Variants in ITPR1 observed in about 807,000 individuals in gnomAD.
The protein encoded by ITPR1 is inositol 1,4,5-trisphosphate receptor type 1, also known as inositol 1,4,5-trisphosphate-gated calcium channel ITPR1.
In ITPR1, 96 loss-of-function variants were observed where a neutral mutation model predicts 318.4. The ratio of observed to expected loss-of-function variants is 0.30; its 90% CI spans 0.26 to 0.36. ITPR1 has a LOEUF of 0.36. Ranked by LOEUF, ITPR1 falls within the 10% of genes least tolerant of loss-of-function variation. The pLI, the probability that ITPR1 is intolerant of heterozygous loss-of-function variation, is 1.00. For missense variants in ITPR1, 2,440 were observed against 3,460.2 expected (o/e 0.71, Z 7.40); for synonymous variants, 1,312 against 1,289.9 (o/e 1.02, Z -0.37).
chr3:4,525,196 A>C (rs557632525), intron 4 of ITPR1, among the ~76,000 whole-genome samples: 3 of 152,076 alleles, frequency 2.0e-5, no homozygotes, highest in African/African-American at 4.8e-5. Flanking sequence ...GATAGATTCC[A>C]TAATATTTCT....
intron 10 of ITPR1, among the ~76,000 whole-genome samples, chr3:4,646,466 T>C (rs1482443083): frequency 6.6e-6 from 1 of 152,162 alleles, no homozygotes; most frequent in Non-Finnish European, 1.5e-5. Context: ...ACTCAGTAAC[T>C]TGTTTGGTGA....
intron 2 of ITPR1, among the ~76,000 whole-genome samples, chr3:4,500,569 G>A (rs1392291810): frequency 2.0e-5 from 3 of 152,158 alleles, no homozygotes; most frequent in East Asian, 1.9e-4. Flanking sequence ...TCTTACAGAC[G>A]AGAAGACAAA....
At chr3:4,639,565 C>A in intron 6 of ITPR1, 95 bp downstream of exon 6, 2 of 873,538 alleles carry the variant, frequency 2.3e-6, no homozygotes, top group East Asian at 2.7e-5. Flanking sequence ...GACACCTTTA[C>A]AGCAGGACTC....
Position 4,639,430 on chromosome 3 carries a change from A to C in ITPR1, c.326A>C (p.Lys109Thr). Residue 109 changes from lysine to threonine, a missense_variant, in exon 6 of 62, where the codon AAA (lysine) becomes ACA (threonine). By Grantham distance (78) the Lys-to-Thr change is moderately conservative (BLOSUM62 -1). Transcript: ENST00000649015. ...EKKQNETENR[K>T]LLGTVIQYGN... ...AAGCAGAATGAGACAGAAAACAGGAAATTGCTGGGGACCGTAATCCAGTAT... is the reference window on the plus strand; with the variant it reads ...AAGCAGAATGAGACAGAAAACAGGACATTGCTGGGGACCGTAATCCAGTAT... The C allele has an allele frequency of 1.3e-6, 2 of 1,581,784 alleles. No individual in the cohort carries two copies. The highest frequency in any genetic ancestry group is 8.6e-7 in the Non-Finnish European group (1 of 1,163,568).
intron 2 of ITPR1, among the ~76,000 whole-genome samples, chr3:4,510,865 G>A (rs1270252138): frequency 6.6e-6 from 1 of 152,182 alleles, no homozygotes; most frequent in African/African-American, 2.4e-5. Context: ...TATAATTAGA[G>A]CAAGGGGTGG....
At chr3:4,612,847 C>T (rs978268128) in intron 4 of ITPR1, among the ~76,000 whole-genome samples, 15 of 152,140 alleles carry the variant, frequency 9.9e-5, no homozygotes, top group African/African-American at 3.1e-4. Context: ...AGATCCTGCT[C>T]CTGCACTCCA....
chr3:4,719,971 C>G (rs2042033909), intron 40 of ITPR1, among the ~76,000 whole-genome samples: 1 of 152,146 alleles, frequency 6.6e-6, no homozygotes, highest in African/African-American at 2.4e-5. Context: ...GTACCTTCCG[C>G]TCAGAGCTGG....
At position 4,569,971 on chromosome 3, in the gene ITPR1, G is replaced by A. The variant is rs182773809; in HGVS notation, c.163+48877G>A. Among the ~76,000 whole-genome samples the A allele has an allele frequency of 6.6e-5, 10 of 152,246 alleles. 1 individual carries two copies. The East Asian group carries it at 1.9e-3, about 29-fold the overall frequency. ...CATTTTTAAATTGTTGGTTGGTGGA[G>A]GGCTGGTATTTACTGATATTCTTGA... On this transcript the variant is annotated intron_variant, in intron 4 of 61. Transcript: ENST00000649015.
At chr3:4,811,806 A>G (rs1404919185) in intron 56 of ITPR1, among the ~76,000 whole-genome samples, 1 of 152,186 alleles carries the variant, frequency 6.6e-6, no homozygotes, top group Non-Finnish European at 1.5e-5. Flanking sequence ...ATACTTAAAG[A>G]AAAAAAGGCT....
chr3:4,531,337 A>G (rs982487560), intron 4 of ITPR1, among the ~76,000 whole-genome samples: 3 of 152,196 alleles, frequency 2.0e-5, no homozygotes, highest in Non-Finnish European at 4.4e-5. Context: ...GTTTTAGATT[A>G]GCTCCGGCAA....
At chr3:4,660,854 C>T (rs935827175) in intron 13 of ITPR1, 134 bp from the exon 14 acceptor site, 10 of 446,664 alleles carry the variant, frequency 2.2e-5, no homozygotes, top group South Asian at 1.1e-4. Context: ...TTTGCCCCTT[C>T]GTGTATACTG....
At chr3:4,823,524 G>A (rs2049859947) in intron 60 of ITPR1, among the ~76,000 whole-genome samples, 1 of 152,094 alleles carries the variant, frequency 6.6e-6, no homozygotes, top group Non-Finnish European at 1.5e-5. Context: ...TGGATCTGGA[G>A]GCCATTATCT....
intron 4 of ITPR1, among the ~76,000 whole-genome samples, chr3:4,537,293 C>A (rs2083962955): frequency 6.6e-6 from 1 of 152,224 alleles, no homozygotes; most frequent in Non-Finnish European, 1.5e-5. Flanking sequence ...AAATTAACTA[C>A]TGATTCACAT....
intron 60 of ITPR1, among the ~76,000 whole-genome samples, chr3:4,819,989 A>G (rs2049580949): frequency 6.6e-6 from 1 of 152,178 alleles, no homozygotes; most frequent in African/African-American, 2.4e-5. Flanking sequence ...ATCGCACTCC[A>G]TAATCATGTC....
intron 15 of ITPR1, among the ~76,000 whole-genome samples, chr3:4,662,523 G>C (rs2093856798): frequency 6.6e-6 from 1 of 152,056 alleles, no homozygotes; most frequent in East Asian, 1.9e-4. Context: ...AGCAGTTCGA[G>C]ACCAGCCTGC....
chr3:4,631,952 G>A (rs1050695990), intron 5 of ITPR1, among the ~76,000 whole-genome samples: 3 of 152,224 alleles, frequency 2.0e-5, no homozygotes, highest in Admixed American at 6.5e-5. Context: ...GCGCCCAGCC[G>A]ACAGATAACT....
At chr3:4,599,824 T>C (rs1335076911) in intron 4 of ITPR1, among the ~76,000 whole-genome samples, 1 of 152,138 alleles carries the variant, frequency 6.6e-6, no homozygotes. Flanking sequence ...AGTCTTGGAG[T>C]GGACAGTGTC....
intron 5 of ITPR1, among the ~76,000 whole-genome samples, chr3:4,636,988 G>A (rs549055512): frequency 5.9e-5 from 9 of 152,278 alleles, no homozygotes; most frequent in African/African-American, 2.2e-4. Context: ...CATAATATTA[G>A]CATTTCTTAA....
At position 4,733,210 on chromosome 3, in the gene ITPR1, C is replaced by T. The variant is rs1255833218; in HGVS notation, c.5343C>T (p.Pro1781=). 8.1e-6 allele frequency: 13 copies of T among 1,613,738 alleles called. No homozygotes were observed. Among genetic ancestry groups the T allele is most frequent in the East Asian group, 6.7e-5 (3 of 44,898 alleles). The change falls in exon 43 of 62, where the codon CCC becomes CCT. Residue 1781 remains proline, a synonymous_variant. Coordinates refer to ENST00000649015, the MANE Select transcript of ITPR1 (RefSeq NM_001378452.1). The stretch of plus-strand genomic sequence containing the variant: ...TGTCAGCAGGAGGACCCGGCAAGCC[C>T]GGGGGAGGAGGTACGCTTTGTGGTG... ...GPLSAGGPGK[P]GGGGGGSGSS...
Sources: gnomAD v4.1 joint callset for allele counts (sites outside exome capture counted in the v4.1 genomes callset) on GRCh38, gnomAD v4.1.1 for gene constraint, MANE v1.5 for transcripts, NCBI Gene and HGNC (gene_info 2026-07-23, HGNC 2026-07-21) for gene names.